The following CIBAR2 variants were observed in gnomAD, a reference collection of about 807,000 sequenced individuals.
CIBAR2 encodes the protein CBY1-interacting BAR domain-containing protein 2.
CIBAR2 carries 38 observed loss-of-function variants against 36.2 expected under a neutral mutation model. That is an observed-to-expected ratio of 1.05 (90% CI 0.81 to 1.38). The LOEUF is 1.38. Among genes scored for constraint, CIBAR2 ranks in the 40% most tolerant of loss-of-function variants. The probability of loss-of-function intolerance (pLI) is 0.00; values close to 1 mark genes in which losing one functional copy is unlikely to be tolerated. For synonymous variants in CIBAR2, 182 were observed against 149.5 expected (o/e 1.22, Z -1.58); for missense variants, 481 against 383.4 (o/e 1.25, Z -2.13).
intron 2 of CIBAR2, 45 bp from the exon 3 acceptor site, chr16:85,108,144 C>T (rs2074012349): frequency 1.3e-6 from 2 of 1,551,348 alleles, no homozygotes; most frequent in East Asian, 2.2e-5. Context: ...AGGGTGCTGC[C>T]TGCCTCCAGC....
chr16:85,106,968 A>C (rs1299660659), intron 5 of CIBAR2, among the ~76,000 whole-genome samples: 2 of 152,156 alleles, frequency 1.3e-5, no homozygotes, highest in African/African-American at 2.4e-5. Context: ...CAACATGGCA[A>C]AACCCCGTCT....
chr16:85,102,115 T>G (rs959530758), intron 7 of CIBAR2, 99 bp downstream of exon 7: 2 of 700,816 alleles, frequency 2.9e-6, no homozygotes, highest in Non-Finnish European at 5.1e-6. Flanking sequence ...TTAGAAAAGT[T>G]GTGAAATGTT....
rs547742717 is a variant in CIBAR2 at position 85,110,082 on chromosome 16, G to A, written c.255+144C>T. ...GTGGAGGTGTGACCCTGGAAAGGGTGTAAATGTCCATTGTCGGTGGATGTC... is the reference window on the plus strand; with the variant it reads ...GTGGAGGTGTGACCCTGGAAAGGGTATAAATGTCCATTGTCGGTGGATGTC... On this transcript the variant is annotated intron_variant, in intron 2 of 8. Transcript: ENST00000539556. The A allele has an allele frequency of 9.1e-5, 55 of 606,994 alleles. No homozygotes were observed. The African/African-American group carries it at 9.4e-4, about 10-fold the overall frequency. 37.6% of individuals were successfully genotyped at this position (606,994 alleles called of 1,614,324 possible). A position where few individuals can be genotyped will look rare whatever the true frequency, so the allele number is the denominator to read the frequency against.
At chr16:85,105,557 C>G in intron 5 of CIBAR2, 126 bp from the exon 6 acceptor site, 1 of 683,608 alleles carries the variant, frequency 1.5e-6, no homozygotes, top group Non-Finnish European at 2.5e-6. Context: ...AGGGACGTTT[C>G]TTGCTAATTG....
rs1238401660 is a variant in CIBAR2, at chr16:85,100,140, T to G, written c.752A>C (p.Gln251Pro). 6.2e-7 allele frequency: 1 copy of G among 1,608,656 alleles called. No individual in the cohort carries two copies. Among genetic ancestry groups the G allele is most frequent in the Non-Finnish European group, 8.5e-7 (1 of 1,177,596 alleles). Residue 251 changes from glutamine to proline, a missense_variant and splice_region_variant, in exon 8 of 9, where the codon CAG (glutamine) becomes CCG (proline). By Grantham distance (76) the Gln-to-Pro change is moderately conservative (BLOSUM62 -1). Transcript: ENST00000539556. ...CCCCTCACCCACCCACACGCTCACC[T>G]GGCTGGCGAGAGACTGAAGAACAGA... is the stretch of plus-strand genomic sequence containing the variant. Reference protein sequence around the residue: ...PPSVLQSLASQGTLQVQLSRA... With the variant: ...PPSVLQSLASPGTLQVQLSRA...
At chr16:85,109,180 G>A (rs2074021194) in intron 2 of CIBAR2, among the ~76,000 whole-genome samples, 1 of 152,166 alleles carries the variant, frequency 6.6e-6, no homozygotes, top group Non-Finnish European at 1.5e-5. Flanking sequence ...GGTGGCCGAG[G>A]TGGGAGGACA....
At chr16:85,103,056 C>G (rs1219613242) in intron 6 of CIBAR2, among the ~76,000 whole-genome samples, 2 of 152,122 alleles carry the variant, frequency 1.3e-5, no homozygotes, top group Non-Finnish European at 2.9e-5. Context: ...TGTGTGCCAC[C>G]ACGCCTGGCT....
intron 3 of CIBAR2, 31 bp downstream of exon 3, chr16:85,108,000 A>G: frequency 5.0e-6 from 8 of 1,613,780 alleles, no homozygotes; most frequent in Non-Finnish European, 6.8e-6. Flanking sequence ...CAAGACAGGG[A>G]TGCCACCCAC....
intron 1 of CIBAR2, 96 bp downstream of exon 1, chr16:85,112,237 G>A (rs937310442): frequency 1.1e-5 from 10 of 889,374 alleles, no homozygotes; most frequent in African/African-American, 3.3e-5. Flanking sequence ...CCCACCCCAA[G>A]CAGCAGGCCC....
intron 6 of CIBAR2, among the ~76,000 whole-genome samples, chr16:85,103,655 A>T (rs772529364): frequency 6.6e-6 from 1 of 152,190 alleles, no homozygotes; most frequent in African/African-American, 2.4e-5. Context: ...TCTCCTTGCC[A>T]TGTAGGCAGC....
chr16:85,102,166 A>T, intron 7 of CIBAR2, 48 bp downstream of exon 7: 1 of 1,051,104 alleles, frequency 9.5e-7, no homozygotes, highest in Non-Finnish European at 1.5e-6. Flanking sequence ...ACCAAAATGA[A>T]ACTCTGCCCC....
In CIBAR2 at chr16:85,108,225, G is replaced by A. The variant is rs114117625; in HGVS notation, c.256-126C>T. 3,900 of 825,606 alleles carry A rather than the reference G, an allele frequency of 4.7e-3. 106 individuals carry two copies. The African/African-American group carries it at 0.059, about 12-fold the overall frequency. The allele number at this position is 825,606 out of a possible 1,614,324, so 51.1% of individuals were successfully genotyped here. ...AGCTGTGCGGCGGGAGGTGGAGCGC[G>A]AGGTGCCCTCCCTTTTCCCGGTGTG... On this transcript the variant is annotated intron_variant, in intron 2 of 8. Coordinates refer to ENST00000539556, the MANE Select transcript of CIBAR2 (RefSeq NM_198491.3).
chr16:85,110,223 C>A lies in CIBAR2; in HGVS notation c.255+3G>T, dbSNP rs1304635954. The A allele has an allele frequency of 2.6e-6, 4 of 1,555,588 alleles. No individual in the cohort carries two copies. The South Asian group carries it at 4.8e-5, about 19-fold the overall frequency. On this transcript the variant is annotated splice_donor_region_variant and intron_variant, in intron 2 of 8. Coordinates refer to ENST00000539556, the MANE Select transcript of CIBAR2 (RefSeq NM_198491.3). ...ATCCCAGACCCGGGCCGGCAGCACT[C>A]ACCTGGGCCTGCCGGTAATCCTGCA...
At chr16:85,110,583 C>T (rs992311092) in intron 1 of CIBAR2, 123 bp from the exon 2 acceptor site, 1 of 656,974 alleles carries the variant, frequency 1.5e-6, no homozygotes, top group Non-Finnish European at 2.5e-6. Flanking sequence ...GTGGCACGCA[C>T]ATGCCACAGG....
intron 7 of CIBAR2, among the ~76,000 whole-genome samples, chr16:85,101,602 A>G (rs976950059): frequency 1.3e-5 from 2 of 152,248 alleles, no homozygotes; most frequent in African/African-American, 4.8e-5. Context: ...ACTTCTTTCT[A>G]TTTCAAAACT....
chr16:85,107,687 G>A lies in CIBAR2; in HGVS notation c.427-15C>T, dbSNP rs758289424. 3 of 1,613,994 alleles carry A rather than the reference G, an allele frequency of 1.9e-6. No individual in the cohort carries two copies. Among genetic ancestry groups the A allele is most frequent in the Admixed American group, 3.3e-5 (2 of 60,030 alleles). On this transcript the variant is annotated splice_polypyrimidine_tract_variant and intron_variant, in intron 4 of 8. Transcript: ENST00000539556. ...CTCACCTGGGACTGAAAAACGTGCT[G>A]TTAAGGAACCAAGTTAAGCCCAGGC...
intron 6 of CIBAR2, among the ~76,000 whole-genome samples, chr16:85,102,902 G>A (rs2073966712): frequency 7.3e-6 from 1 of 136,286 alleles, no homozygotes; most frequent in Non-Finnish European, 1.5e-5. Flanking sequence ...CTCTTCACAG[G>A]AGGCTTTTTT....
At chr16:85,101,887 C>T (rs1211637656) in intron 7 of CIBAR2, among the ~76,000 whole-genome samples, 1 of 152,032 alleles carries the variant, frequency 6.6e-6, no homozygotes, top group East Asian at 1.9e-4. Context: ...AGGCTGGCCT[C>T]GAACTCCTGA....
intron 6 of CIBAR2, among the ~76,000 whole-genome samples, chr16:85,104,311 C>T (rs2073978359): frequency 2.0e-5 from 3 of 152,186 alleles, no homozygotes; most frequent in Admixed American, 2.0e-4. Flanking sequence ...AGGCCTGAGC[C>T]AGGGCTTCAG....
Sources: allele counts gnomAD v4.1 joint callset (sites outside exome capture counted in the v4.1 genomes callset), GRCh38; gene constraint gnomAD v4.1.1; transcripts MANE v1.5; gene names NCBI Gene and HGNC (gene_info 2026-07-23, HGNC 2026-07-21).